The following AGXT2 variants were observed in gnomAD, a reference collection of about 807,000 sequenced individuals.
The protein encoded by AGXT2 is alanine--glyoxylate aminotransferase 2, mitochondrial.
A neutral mutation model predicts 62.5 loss-of-function variants in AGXT2; 61 were observed. The ratio of observed to expected loss-of-function variants is 0.98; its 90% CI spans 0.79 to 1.21. AGXT2 has a LOEUF of 1.21. AGXT2 is among the 50% of genes most tolerant of loss of function. The pLI is 0.00. For synonymous variants in AGXT2, 243 were observed against 218.7 expected, an observed-to-expected ratio of 1.11 and a Z score of -0.98; for missense variants, 666 against 641.5, an observed-to-expected ratio of 1.04 and a Z score of -0.41.
chr5:35,026,193 T>C (rs1767339768), intron 8 of AGXT2: 1 of 609,928 alleles, frequency 1.6e-6, no homozygotes, highest in South Asian at 2.0e-5. Flanking sequence ...ATTTTAGGAG[T>C]TCGGTAGTTT....
intron 13 of AGXT2, among the ~76,000 whole-genome samples, chr5:35,002,645 G>C (rs13360881): frequency 0.21 from 32,487 of 152,138 alleles, 3,590 homozygotes; most frequent in South Asian, 0.32. Flanking sequence ...TGGCCGCTTA[G>C]AAAGAGCGCC....
chr5:35,032,209 C>T (rs181311143), intron 7 of AGXT2, among the ~76,000 whole-genome samples: 2 of 152,126 alleles, frequency 1.3e-5, no homozygotes, highest in South Asian at 2.1e-4. Flanking sequence ...GCCTCAACCT[C>T]CCAAAGTGCT....
At chr5:35,028,411 CCA>C (rs1767438481) in intron 7 of AGXT2, among the ~76,000 whole-genome samples, 1 of 152,028 alleles carries the variant, frequency 6.6e-6, no homozygotes, top group Non-Finnish European at 1.5e-5. Context: ...GCAAGCCTCA[CCA>C]CACAGACACA....
At chr5:35,039,599 C>T in intron 2 of AGXT2, 91 bp from the exon 3 acceptor site, 2 of 1,382,774 alleles carry the variant, frequency 1.4e-6, no homozygotes, top group Non-Finnish European at 1.0e-6. Context: ...CTCTAGTGGA[C>T]AGAGAAGAGG....
chr5:35,031,102 T>G (rs182345444), intron 7 of AGXT2, among the ~76,000 whole-genome samples: 4 of 152,328 alleles, frequency 2.6e-5, no homozygotes, highest in African/African-American at 9.6e-5. Context: ...GCCTGTGGAA[T>G]AGGAATGCTT....
At chr5:35,044,592 C>T (rs1033519535) in intron 1 of AGXT2, among the ~76,000 whole-genome samples, 3 of 152,208 alleles carry the variant, frequency 2.0e-5, no homozygotes, top group African/African-American at 4.8e-5. Context: ...GGCTTCTTTG[C>T]GTGTGGGGTC....
At chr5:35,036,311 A>G (rs1190018425) in intron 4 of AGXT2, among the ~76,000 whole-genome samples, 4 of 152,168 alleles carry the variant, frequency 2.6e-5, no homozygotes, top group African/African-American at 7.2e-5. Flanking sequence ...TAAAATAATA[A>G]TAGATAACAC....
Position 35,000,144 on chromosome 5 carries a change from C to T in AGXT2, c.1438-1318G>A, listed in dbSNP as rs1475905618. Among the ~76,000 whole-genome samples the T allele has an allele frequency of 4.6e-5, 7 of 152,260 alleles. No individual in the cohort carries two copies. In the East Asian group the frequency reaches 1.4e-3, roughly 29 times the overall value. On this transcript the variant is annotated intron_variant, in intron 13 of 13. Coordinates refer to ENST00000231420, the MANE Select transcript of AGXT2 (RefSeq NM_031900.4). ...ATTGGTTGCAGTCTGACTTCTGCCT[C>T]ATCAACCACTCTACTAAAGTTACCT... is the stretch of plus-strand genomic sequence containing the variant.
intron 7 of AGXT2, among the ~76,000 whole-genome samples, chr5:35,027,855 G>A (rs1767417871): frequency 6.7e-6 from 1 of 149,766 alleles, no homozygotes. Context: ...CCAGTCTGCA[G>A]GTGAAACTTT....
intron 9 of AGXT2, among the ~76,000 whole-genome samples, chr5:35,021,665 A>T (rs1266225809): frequency 2.6e-5 from 4 of 152,296 alleles, no homozygotes; most frequent in Admixed American, 2.6e-4. Context: ...AGGCATGGGC[A>T]AGGACTTCAT....
chr5:35,001,549 A>T (rs1766225599), intron 13 of AGXT2, among the ~76,000 whole-genome samples: 1 of 152,196 alleles, frequency 6.6e-6, no homozygotes, highest in Non-Finnish European at 1.5e-5. Context: ...TAAAATAAGG[A>T]TAGTAATAGT....
At chr5:35,046,971 CAT>C (rs1222886073) in intron 1 of AGXT2, among the ~76,000 whole-genome samples, 2 of 152,178 alleles carry the variant, frequency 1.3e-5, no homozygotes, top group African/African-American at 2.4e-5. Flanking sequence ...CACATCTCCT[CAT>C]ATTTTCTGTT....
At position 34,998,471 on chromosome 5, in the gene AGXT2, C is replaced by T. The variant is rs5028870; in HGVS notation, c.*248G>A. The T allele has an allele frequency of 1.8e-6, 1 of 556,844 alleles. No individual in the cohort carries two copies. 34.5% of individuals were successfully genotyped at this position (556,844 alleles called of 1,614,324 possible). ...GCAAAGGGGAATCAAATTACCATACCTAACATAAACTAATTAGGATTTATT... is the reference window on the plus strand; with the variant it reads ...GCAAAGGGGAATCAAATTACCATACTTAACATAAACTAATTAGGATTTATT... On this transcript the variant is annotated 3_prime_UTR_variant, in exon 14 of 14. Transcript: ENST00000231420.
At chr5:35,042,926 G>T (rs1768042288) in intron 1 of AGXT2, among the ~76,000 whole-genome samples, 1 of 152,150 alleles carries the variant, frequency 6.6e-6, no homozygotes, top group Admixed American at 6.5e-5. Flanking sequence ...GACAGCTAAT[G>T]ATTTTCATCC....
chr5:35,014,152 C>A (rs1766756761), intron 9 of AGXT2, 33 bp from the exon 10 acceptor site: 1 of 1,613,660 alleles, frequency 6.2e-7, no homozygotes, highest in African/African-American at 1.3e-5. Context: ...ATTGGAAACC[C>A]TTCAAGAAAT....
intron 9 of AGXT2, among the ~76,000 whole-genome samples, chr5:35,014,682 C>T (rs145270786): frequency 1.0e-3 from 155 of 152,162 alleles, no homozygotes; most frequent in African/African-American, 3.5e-3. Flanking sequence ...CTAACTCATC[C>T]GTCAAGTAGA....
At position 35,012,577 on chromosome 5, in the gene AGXT2, A is replaced by G. The variant is rs749106587; in HGVS notation, c.1188+377T>C. On this transcript the variant is annotated intron_variant, in intron 11 of 13. Coordinates refer to ENST00000231420, the MANE Select transcript of AGXT2 (RefSeq NM_031900.4). ...GTGTCTCCTTAGTCATTCAATTTAT[A>G]ATAGTACAACAAAAGGAAGGAAGAA... is the stretch of plus-strand genomic sequence containing the variant. The G allele has an allele frequency of 1.9e-4, 58 of 309,042 alleles. No homozygotes were observed. In the Admixed American group the frequency reaches 2.1e-3, roughly 11 times the overall value. The allele number at this position is 309,042 out of a possible 1,614,324, so 19.1% of individuals were successfully genotyped here.
At chr5:35,012,712 A>G (rs918786290) in intron 11 of AGXT2, 3 of 502,742 alleles carry the variant, frequency 6.0e-6, no homozygotes, top group Non-Finnish European at 1.1e-5. Context: ...GAAAATTCTT[A>G]TATTTCCCAT....
intron 7 of AGXT2, among the ~76,000 whole-genome samples, chr5:35,031,953 T>A (rs200280580): frequency 0.16 from 22,285 of 135,910 alleles, 1,854 homozygotes; most frequent in East Asian, 0.41. Flanking sequence ...CTTTTTTTTT[T>A]TTTTTTTTTT....
Sources: gnomAD v4.1 joint callset for allele counts (sites outside exome capture counted in the v4.1 genomes callset) on GRCh38, gnomAD v4.1.1 for gene constraint, MANE v1.5 for transcripts, NCBI Gene and HGNC (gene_info 2026-07-23, HGNC 2026-07-21) for gene names.